The following BBOF1 variants were observed in gnomAD, a reference collection of about 807,000 sequenced individuals.
BBOF1 encodes the protein basal body orientation factor 1.
A neutral mutation model predicts 68.0 loss-of-function variants in BBOF1; 62 were observed. The observed-to-expected ratio is 0.91, with a 90% CI of 0.74 to 1.13. The LOEUF is 1.13. Ranked by LOEUF, BBOF1 falls within the 50% of genes most tolerant of loss-of-function variation. BBOF1 has a pLI of 0.00. For missense variants in BBOF1, 534 were observed against 600.1 expected, an observed-to-expected ratio of 0.89 and a Z score of 1.15; for synonymous variants, 208 against 198.8, an observed-to-expected ratio of 1.05 and a Z score of -0.39.
chr14:74,030,299 T>G (rs1008857885), intron 3 of BBOF1, among the ~76,000 whole-genome samples: 3 of 151,946 alleles, frequency 2.0e-5, no homozygotes, highest in African/African-American at 7.2e-5. Flanking sequence ...GCAGTTCTCC[T>G]TGCCTCAGCC....
intron 5 of BBOF1, among the ~76,000 whole-genome samples, chr14:74,043,724 G>T (rs935590588): frequency 1.3e-5 from 2 of 150,384 alleles, no homozygotes; most frequent in Non-Finnish European, 3.0e-5. Flanking sequence ...GTAGAGACAG[G>T]GTTTCACCAT....
At chr14:74,027,734 A>G (rs8020310) in intron 2 of BBOF1, among the ~76,000 whole-genome samples, 13,953 of 152,042 alleles carry the variant, frequency 0.092, 808 homozygotes, top group South Asian at 0.26. Context: ...ACTATATATA[A>G]CCTACCAAAA....
chr14:74,036,600 CTT>C, intron 4 of BBOF1, among the ~76,000 whole-genome samples: 1 of 147,664 alleles, frequency 6.8e-6, no homozygotes. Context: ...AGGAGGATCT[CTT>C]GAACCTGGGA....
chr14:74,082,204 C>T (rs968501355), intron 12 of BBOF1, among the ~76,000 whole-genome samples: 4 of 152,056 alleles, frequency 2.6e-5, no homozygotes, highest in Non-Finnish European at 2.9e-5. Flanking sequence ...GACCCTGTCT[C>T]GAACATTCCT....
rs765251334 is a variant in BBOF1, at chr14:74,036,546, TG to T, written c.495+2377del. ...AAAAAATCCAAAAATTAGTCGGGCA[TG>T]GTGGCATGTGCCTGTAGTCCCAGCT... is the stretch of plus-strand genomic sequence containing the variant. On this transcript the variant is annotated intron_variant, in intron 4 of 11. Coordinates refer to ENST00000394009, the MANE Select transcript of BBOF1 (RefSeq NM_025057.3). Among the ~76,000 whole-genome samples the T allele has an allele frequency of 1.9e-4, 29 of 152,092 alleles. No homozygotes were observed. In the East Asian group the frequency reaches 3.1e-3, roughly 16 times the overall value.
rs907395309 is a variant in BBOF1, at chr14:74,060,187, T to A, written c.1578+2929T>A. On this transcript the variant is annotated intron_variant, in intron 11 of 11. Coordinates refer to ENST00000394009, the MANE Select transcript of BBOF1 (RefSeq NM_025057.3). ...TCTTTTTTTACTTTTTCAATTTTTT[T>A]AAATAATAGATACGGGGTTTCGCCA... The A allele has an allele frequency of 3.9e-5, 6 of 155,226 alleles. No individual in the cohort carries two copies. In the East Asian group the frequency reaches 5.6e-4, roughly 15 times the overall value. 9.6% of individuals were successfully genotyped at this position (155,226 alleles called of 1,614,324 possible).
chr14:74,024,206 C>T (rs1480382044), intron 2 of BBOF1, among the ~76,000 whole-genome samples: 1 of 152,040 alleles, frequency 6.6e-6, no homozygotes, highest in Non-Finnish European at 1.5e-5. Flanking sequence ...TGCCTATAAT[C>T]CCAACACTTT....
intron 3 of BBOF1, among the ~76,000 whole-genome samples, chr14:74,033,206 CTT>C (rs1290343443): frequency 1.3e-5 from 2 of 148,412 alleles, no homozygotes; most frequent in African/African-American, 2.5e-5. Context: ...TATATAGAAA[CTT>C]TTCCAAAATT....
chr14:74,079,441 T>C (rs1441201652), intron 10 of BBOF1, among the ~76,000 whole-genome samples: 1 of 150,872 alleles, frequency 6.6e-6, no homozygotes, highest in Non-Finnish European at 1.5e-5. Context: ...TTTTTTTTTT[T>C]TTCTTTTTTT....
intron 2 of BBOF1, among the ~76,000 whole-genome samples, chr14:74,028,446 T>C (rs1004412925): frequency 3.4e-5 from 5 of 146,522 alleles, no homozygotes; most frequent in East Asian, 2.0e-4. Context: ...AAATTGACAT[T>C]ACCCTTTACC....
chr14:74,047,846 G>C, intron 6 of BBOF1, 84 bp from the exon 7 acceptor site: 1 of 1,189,154 alleles, frequency 8.4e-7, no homozygotes. Flanking sequence ...AATATTGGGG[G>C]TGCAGGTGGT....
chr14:74,060,740 G>A, intron 11 of BBOF1: 1 of 1,609,646 alleles, frequency 6.2e-7, no homozygotes, highest in Non-Finnish European at 8.5e-7. Flanking sequence ...GTGTAGAATT[G>A]GATGCCCTAA....
At position 74,045,996 on chromosome 14, in the gene BBOF1, CTT is replaced by C. The variant is rs781565684; in HGVS notation, c.577-61_577-60del. Reference sequence around the variant, plus strand: ...TTATTTGACATTCTAAAATAAATATCTTTTGATGAGTAAAATTTGTTGTTAGG... The same window carrying C: ...TTATTTGACATTCTAAAATAAATATCTTGATGAGTAAAATTTGTTGTTAGG... On this transcript the variant is annotated intron_variant, in intron 5 of 11. Transcript: ENST00000394009. 92 of 1,417,612 alleles carry C rather than the reference CTT, an allele frequency of 6.5e-5. 1 individual carries two copies. The highest frequency in any genetic ancestry group is 2.7e-4 in the South Asian group (21 of 77,780). 87.8% of individuals were successfully genotyped at this position (1,417,612 alleles called of 1,614,324 possible). A position where few individuals can be genotyped will look rare whatever the true frequency, so the allele number is the denominator to read the frequency against.
intron 9 of BBOF1, among the ~76,000 whole-genome samples, chr14:74,077,878 C>G (rs4903177): frequency 0.96 from 146,078 of 152,280 alleles, 70,134 homozygotes; most frequent in East Asian, 0.99. Context: ...AAAGATTAAA[C>G]CTGATCAGGA....
At chr14:74,067,017 A>G, downstream of BBOF1, 1 of 879,068 alleles carries the variant, frequency 1.1e-6, no homozygotes, top group Admixed American at 2.1e-5. Context: ...GGAGTTCCAG[A>G]CCAGCCTGGG....
chr14:74,069,528 A>C (rs1199662208), downstream of BBOF1, among the ~76,000 whole-genome samples: 3 of 151,870 alleles, frequency 2.0e-5, no homozygotes, highest in South Asian at 6.2e-4. Flanking sequence ...AGGCAGGTGG[A>C]TCACCTGAGG....
At chr14:74,070,875 T>C (rs767887788), downstream of BBOF1, 10 of 343,632 alleles carry the variant, frequency 2.9e-5, no homozygotes, top group Non-Finnish European at 5.5e-5. Flanking sequence ...CTCTGAGATC[T>C]GCAAATTCTC....
chr14:74,073,354 G>A (rs1056245769), intron 9 of BBOF1, among the ~76,000 whole-genome samples: 1 of 151,338 alleles, frequency 6.6e-6, no homozygotes, highest in Non-Finnish European at 1.5e-5. Flanking sequence ...ATCCACCTGC[G>A]TCAGGCTCTC....
intron 3 of BBOF1, chr14:74,031,839 C>A (rs951796231): frequency 6.6e-6 from 1 of 152,086 alleles, no homozygotes; most frequent in African/African-American, 2.4e-5. Context: ...TCATAGCAGT[C>A]CCTTTTTGAT....
Sources: gnomAD v4.1 joint callset for allele counts (sites outside exome capture counted in the v4.1 genomes callset) on GRCh38, gnomAD v4.1.1 for gene constraint, MANE v1.5 for transcripts, NCBI Gene and HGNC (gene_info 2026-07-23, HGNC 2026-07-21) for gene names.